Variants in EHBP1 observed in about 807,000 individuals in gnomAD.
EHBP1 encodes EH domain binding protein 1, also known as EH domain-binding protein 1.
Under a neutral mutation model 144.0 loss-of-function variants are expected in EHBP1, and 55 were observed. The ratio of observed to expected loss-of-function variants is 0.38; its 90% confidence interval spans 0.31 to 0.48. The LOEUF is 0.48. Ranked by LOEUF, EHBP1 falls within the 20% of genes least tolerant of loss-of-function variation. EHBP1 has a pLI of 0.98. For synonymous variants in EHBP1, 469 were observed against 472.7 expected, an observed-to-expected ratio of 0.99 and a Z score of 0.10; for missense variants, 1,200 against 1,364.2, an observed-to-expected ratio of 0.88 and a Z score of 1.90.
At chr2:62,814,918 G>C (rs1437472028) in intron 5 of EHBP1, among the ~76,000 whole-genome samples, 1 of 152,162 alleles carries the variant, frequency 6.6e-6, no homozygotes, top group Non-Finnish European at 1.5e-5. Flanking sequence ...AATGTGATGG[G>C]CTAGATAGCA....
At position 62,857,038 on chromosome 2, in the gene EHBP1, T is replaced by C. The variant is rs556431174; in HGVS notation, c.635-2131T>C. Reference sequence around the variant, plus strand: ...ACAAGTTAAGGAGTGGCTTGTAGACTTCTAGACAAGGTTGGCTTCTAGAAG... The same window carrying C: ...ACAAGTTAAGGAGTGGCTTGTAGACCTCTAGACAAGGTTGGCTTCTAGAAG... On this transcript the variant is annotated intron_variant, in intron 7 of 22. Transcript: ENST00000431489. 2.1e-3 allele frequency among the ~76,000 whole-genome samples: 321 copies of C among 152,286 alleles called. 1 individual carries two copies. Among genetic ancestry groups the C allele is most frequent in the Middle Eastern group, 6.8e-3 (2 of 294 alleles).
intron 5 of EHBP1, among the ~76,000 whole-genome samples, chr2:62,824,586 ATATTCTTAAG>A (rs1465208776): frequency 1.3e-5 from 2 of 152,130 alleles, no homozygotes; most frequent in Non-Finnish European, 2.9e-5. Flanking sequence ...GGATATTTGC[ATATTCTTAAG>A]TATTTCTTCT....
chr2:62,770,282 A>C (rs2041555173), intron 4 of EHBP1, among the ~76,000 whole-genome samples: 1 of 152,244 alleles, frequency 6.6e-6, no homozygotes, highest in Non-Finnish European at 1.5e-5. Flanking sequence ...ACAAAGGTCT[A>C]ATATCCAGCA....
chr2:62,777,662 C>T (rs2042140516), intron 5 of EHBP1, among the ~76,000 whole-genome samples: 2 of 152,050 alleles, frequency 1.3e-5, no homozygotes, highest in South Asian at 4.2e-4. Context: ...CCAATGATAA[C>T]TTATATTTGA....
chr2:62,997,428 ATGTGTGTGTGTGTG>A (rs70962800), intron 19 of EHBP1, among the ~76,000 whole-genome samples: 21 of 90,622 alleles, frequency 2.3e-4, no homozygotes, highest in Admixed American at 1.9e-3. Context: ...AAAGGAACTC[ATGTGTGTGTGTGTG>A]TGTGTGTGTG....
intron 16 of EHBP1, among the ~76,000 whole-genome samples, chr2:62,991,461 G>A (rs557532128): frequency 3.3e-5 from 5 of 152,068 alleles, no homozygotes; most frequent in East Asian, 1.9e-4. Context: ...GAATTCTAGC[G>A]CATTTTTCAA....
intron 5 of EHBP1, among the ~76,000 whole-genome samples, chr2:62,802,207 G>A (rs2044044174): frequency 6.6e-6 from 1 of 152,212 alleles, no homozygotes; most frequent in Non-Finnish European, 1.5e-5. Flanking sequence ...CTCAATGAAT[G>A]TAGTGGTGGG....
At chr2:62,999,915 CAAAAG>C (rs1460493423) in intron 19 of EHBP1, among the ~76,000 whole-genome samples, 1 of 152,042 alleles carries the variant, frequency 6.6e-6, no homozygotes, top group Non-Finnish European at 1.5e-5. Context: ...AAACATTTTC[CAAAAG>C]AAACACTGTT....
At chr2:63,011,864 A>G (rs1189168620) in intron 19 of EHBP1, among the ~76,000 whole-genome samples, 2 of 151,994 alleles carry the variant, frequency 1.3e-5, no homozygotes, top group African/African-American at 4.8e-5. Flanking sequence ...TATAGAACTA[A>G]TTCAGTCATT....
intron 10 of EHBP1, among the ~76,000 whole-genome samples, chr2:62,882,486 G>A (rs1369146337): frequency 6.6e-6 from 1 of 152,150 alleles, no homozygotes; most frequent in Admixed American, 6.5e-5. Flanking sequence ...CCTATCACTT[G>A]TTTCTCTGAT....
At chr2:62,897,094 C>G (rs2052999128) in intron 10 of EHBP1, among the ~76,000 whole-genome samples, 1 of 152,176 alleles carries the variant, frequency 6.6e-6, no homozygotes. Flanking sequence ...GCTTCCTAAC[C>G]ATAACCACTA....
At chr2:62,714,751 CTG>C (rs1371829479) in intron 2 of EHBP1, among the ~76,000 whole-genome samples, 1 of 152,094 alleles carries the variant, frequency 6.6e-6, no homozygotes, top group Non-Finnish European at 1.5e-5. Flanking sequence ...GGGAAGAAGA[CTG>C]TAAATATAAC....
intron 1 of EHBP1, among the ~76,000 whole-genome samples, chr2:62,696,032 T>TA (rs976496522): frequency 7.2e-5 from 11 of 151,762 alleles, no homozygotes; most frequent in Middle Eastern, 3.2e-3. Flanking sequence ...TTTTTTATTG[T>TA]AAAAAAAATA....
chr2:62,939,332 T>G (rs1558947078), intron 10 of EHBP1, among the ~76,000 whole-genome samples: 1 of 152,142 alleles, frequency 6.6e-6, no homozygotes, highest in Non-Finnish European at 1.5e-5. Flanking sequence ...TGGAGTGCAG[T>G]GGTGCAATCT....
intron 2 of EHBP1, among the ~76,000 whole-genome samples, chr2:62,741,627 A>T (rs1054271054): frequency 6.6e-6 from 1 of 152,146 alleles, no homozygotes; most frequent in African/African-American, 2.4e-5. Flanking sequence ...AAATTAGGGA[A>T]TAGGCTCAGA....
chr2:62,788,946 T>A (rs2042997296), intron 5 of EHBP1, among the ~76,000 whole-genome samples: 1 of 152,182 alleles, frequency 6.6e-6, no homozygotes, highest in Admixed American at 6.5e-5. Flanking sequence ...TTTGATTTAC[T>A]GGTGGTAGGG....
At position 62,950,973 on chromosome 2, in the gene EHBP1, C is replaced by T. The variant is rs531112968; in HGVS notation, c.2316+1811C>T. 2.6e-5 allele frequency among the ~76,000 whole-genome samples: 4 copies of T among 152,290 alleles called. No homozygotes were observed. In the South Asian group the frequency reaches 6.2e-4, roughly 24 times the overall value. ...GTGCTGAGATTACAGGTGTGAGCCA[C>T]CGCGCCCGGCCCGAACCTCTGAATT... On this transcript the variant is annotated intron_variant, in intron 13 of 22. Transcript: ENST00000431489.
At chr2:62,927,332 A>G (rs2055602139) in intron 10 of EHBP1, among the ~76,000 whole-genome samples, 1 of 152,140 alleles carries the variant, frequency 6.6e-6, no homozygotes, top group African/African-American at 2.4e-5. Context: ...ATAGCTACTT[A>G]AAGCTATATA....
At chr2:63,018,275 A>G (rs895897193) in intron 19 of EHBP1, among the ~76,000 whole-genome samples, 11 of 152,184 alleles carry the variant, frequency 7.2e-5, no homozygotes, top group African/African-American at 2.7e-4. Context: ...TTGTCTTTCT[A>G]TAGTTTTTTT....
Sources: allele counts gnomAD v4.1 joint callset (sites outside exome capture counted in the v4.1 genomes callset), GRCh38; gene constraint gnomAD v4.1.1; transcripts MANE v1.5; gene names NCBI Gene and HGNC (gene_info 2026-07-23, HGNC 2026-07-21).